CFAP299: variants seen among roughly 807,000 people sequenced by gnomAD.
CFAP299 encodes cilia and flagella associated protein 299, also known as cilia- and flagella-associated protein 299.
CFAP299 carries 21 observed loss-of-function variants against 27.0 expected under a neutral mutation model. That is an observed-to-expected ratio of 0.78 (90% CI 0.55 to 1.12). CFAP299 has a LOEUF of 1.12. CFAP299 is among the 50% of genes most tolerant of loss of function. The probability of loss-of-function intolerance (pLI) is 0.00; values close to 1 mark genes in which losing one functional copy is unlikely to be tolerated. For missense variants in CFAP299, 310 were observed against 276.6 expected (o/e 1.12, Z -0.86); for synonymous variants, 104 against 98.1 (o/e 1.06, Z -0.36).
At chr4:80,412,570 G>A (rs892190808) in intron 2 of CFAP299, among the ~76,000 whole-genome samples, 2 of 152,136 alleles carry the variant, frequency 1.3e-5, no homozygotes, top group Non-Finnish European at 2.9e-5. Context: ...CCTTGCCTCA[G>A]AGAGAGAAAG....
At chr4:80,915,399 T>C (rs1735693283) in intron 4 of CFAP299, among the ~76,000 whole-genome samples, 1 of 152,074 alleles carries the variant, frequency 6.6e-6, no homozygotes, top group Non-Finnish European at 1.5e-5. Flanking sequence ...TTCTTTGTTT[T>C]TTAAGATTTT....
intron 2 of CFAP299, among the ~76,000 whole-genome samples, chr4:80,422,390 CTTTAG>C (rs1727327072): frequency 6.6e-6 from 1 of 151,608 alleles, no homozygotes; most frequent in Non-Finnish European, 1.5e-5. Context: ...AAAAAAAATT[CTTTAG>C]TTTAGCCCTC....
intron 3 of CFAP299, among the ~76,000 whole-genome samples, chr4:80,769,188 C>T (rs1015612437): frequency 1.3e-5 from 2 of 152,040 alleles, no homozygotes; most frequent in Non-Finnish European, 2.9e-5. Flanking sequence ...TTAGTAGGTG[C>T]CTGACATTTT....
intron 2 of CFAP299, among the ~76,000 whole-genome samples, chr4:80,456,812 G>A (rs940517035): frequency 1.3e-5 from 2 of 152,110 alleles, no homozygotes; most frequent in Non-Finnish European, 2.9e-5. Context: ...AAATAGAAAA[G>A]AGTTCCAAGG....
chr4:80,871,246 A>G (rs1733080286), intron 4 of CFAP299: 4 of 985,150 alleles, frequency 4.1e-6, no homozygotes, highest in Non-Finnish European at 3.6e-6. Flanking sequence ...TTCCTGTCCT[A>G]CCTAGGATAA....
intron 3 of CFAP299, among the ~76,000 whole-genome samples, chr4:80,799,545 A>G (rs1290900853): frequency 1.5e-5 from 1 of 68,958 alleles, no homozygotes; most frequent in African/African-American, 5.9e-5. Context: ...TTTAATACAT[A>G]TATATAATAT....
At chr4:80,589,722 CAG>C (rs2109882529) in intron 3 of CFAP299, among the ~76,000 whole-genome samples, 1 of 152,210 alleles carries the variant, frequency 6.6e-6, no homozygotes, top group South Asian at 2.1e-4. Flanking sequence ...GATTGCTAAT[CAG>C]AGACAAGAGA....
chr4:80,447,507 A>C (rs1460804561), intron 2 of CFAP299, among the ~76,000 whole-genome samples: 1 of 151,620 alleles, frequency 6.6e-6, no homozygotes, highest in African/African-American at 2.4e-5. Flanking sequence ...ATCTCAGCTC[A>C]CTGCAACCTC....
At chr4:80,662,832 A>G (rs1037174048) in intron 3 of CFAP299, among the ~76,000 whole-genome samples, 8 of 152,172 alleles carry the variant, frequency 5.3e-5, no homozygotes, top group Non-Finnish European at 1.0e-4. Context: ...GCTGATGACC[A>G]AAGACAAGTG....
At chr4:80,956,327 T>C (rs1001796233) in intron 5 of CFAP299, among the ~76,000 whole-genome samples, 1 of 152,246 alleles carries the variant, frequency 6.6e-6, no homozygotes, top group African/African-American at 2.4e-5. Flanking sequence ...CTTTTTTAAC[T>C]GTTAATTTCA....
rs528744340 is a variant in CFAP299 at position 80,573,084 on chromosome 4, A to G, written c.243-10009A>G. Among the ~76,000 whole-genome samples, 12 of 152,242 alleles carry G rather than the reference A, an allele frequency of 7.9e-5. 1 individual carries two copies. Among genetic ancestry groups the G allele is most frequent in the South Asian group, 4.1e-4 (2 of 4,828 alleles). ...AGTGGCTATAGTAATTTACAGTGCT[A>G]TCAACAGTGTATCAGGGTTCTCTTT... On this transcript the variant is annotated intron_variant, in intron 2 of 5. Coordinates refer to ENST00000358105, the MANE Select transcript of CFAP299 (RefSeq NM_152770.3).
chr4:80,581,876 A>G (rs1412928575), intron 2 of CFAP299, among the ~76,000 whole-genome samples: 2 of 151,892 alleles, frequency 1.3e-5, no homozygotes, highest in Non-Finnish European at 2.9e-5. Flanking sequence ...TTTTGGTTCA[A>G]CGCTTTCTGG....
At chr4:80,511,984 A>C (rs971694360) in intron 2 of CFAP299, among the ~76,000 whole-genome samples, 1 of 152,206 alleles carries the variant, frequency 6.6e-6, no homozygotes, top group Non-Finnish European at 1.5e-5. Context: ...TTTGGAAATT[A>C]TTAATCAACT....
At chr4:80,877,969 A>G (rs898098726) in intron 4 of CFAP299, among the ~76,000 whole-genome samples, 2 of 152,076 alleles carry the variant, frequency 1.3e-5, no homozygotes, top group African/African-American at 4.8e-5. Flanking sequence ...AAAATATTTC[A>G]TCTTGCGTCT....
chr4:80,849,147 C>A (rs1401968723), intron 3 of CFAP299, among the ~76,000 whole-genome samples: 1 of 152,042 alleles, frequency 6.6e-6, no homozygotes, highest in African/African-American at 2.4e-5. Flanking sequence ...GTCTTTATAT[C>A]ATTCTACAAA....
At chr4:80,587,302 AG>A (rs534354901) in intron 3 of CFAP299, among the ~76,000 whole-genome samples, 13 of 152,308 alleles carry the variant, frequency 8.5e-5, no homozygotes, top group Middle Eastern at 6.8e-3. Flanking sequence ...TTATTTCACC[AG>A]AAAAACTATA....
intron 3 of CFAP299, among the ~76,000 whole-genome samples, chr4:80,833,465 A>G (rs981686592): frequency 7.2e-5 from 11 of 152,138 alleles, no homozygotes; most frequent in African/African-American, 2.7e-4. Flanking sequence ...CACTGTGTGC[A>G]CACAGTAGGT....
intron 2 of CFAP299, among the ~76,000 whole-genome samples, chr4:80,494,605 C>T (rs926725241): frequency 5.3e-5 from 8 of 152,192 alleles, no homozygotes; most frequent in Non-Finnish European, 8.8e-5. Flanking sequence ...GTTCTTCATA[C>T]CCAGAGTGTG....
intron 3 of CFAP299, among the ~76,000 whole-genome samples, chr4:80,660,689 A>G (rs1422886378): frequency 6.6e-6 from 1 of 152,172 alleles, no homozygotes. Context: ...GCCATTTGCC[A>G]AGACAGGTGA....
Sources: gnomAD v4.1 joint callset for allele counts (sites outside exome capture counted in the v4.1 genomes callset) on GRCh38, gnomAD v4.1.1 for gene constraint, MANE v1.5 for transcripts, NCBI Gene and HGNC (gene_info 2026-07-23, HGNC 2026-07-21) for gene names.